The following XG variants were observed in gnomAD, a reference collection of about 807,000 sequenced individuals.
XG encodes glycoprotein Xg.
In XG, 24 loss-of-function variants were observed where a neutral mutation model predicts 25.7. That is an observed-to-expected ratio of 0.93 (90% CI 0.68 to 1.31). The LOEUF is 1.31. Among genes scored for constraint, XG ranks in the 40% most tolerant of loss-of-function variants. XG has a pLI of 0.00. For missense variants in XG, 181 were observed against 187.6 expected (o/e 0.96, Z 0.21); for synonymous variants, 77 against 69.2 (o/e 1.11, Z -0.56).
chrX:2,808,771 A>G (rs1221661940), intron 9 of XG, among the ~76,000 whole-genome samples: 2 of 111,151 alleles, frequency 1.8e-5, no homozygotes, highest in Non-Finnish European at 3.8e-5. Flanking sequence ...TTGAGAGTAA[A>G]CGCACTCAAC....
intron 1 of XG, among the ~76,000 whole-genome samples, chrX:2,768,026 C>T (rs748138160): frequency 5.3e-5 from 8 of 152,292 alleles, no homozygotes; most frequent in Admixed American, 2.6e-4. Context: ...AAGGAGCCTC[C>T]GCTGCAACCT....
At chrX:2,808,050 C>T (rs184691617) in intron 8 of XG, 135 bp from the exon 9 acceptor site, 12 of 677,481 alleles carry the variant, frequency 1.8e-5, no homozygotes, top group African/African-American at 4.3e-5. Context: ...TCCCCCTCCC[C>T]CCACAAGAAT....
intron 1 of XG, among the ~76,000 whole-genome samples, chrX:2,760,754 AAAG>A (rs1484372247): frequency 6.8e-6 from 1 of 147,630 alleles, no homozygotes; most frequent in East Asian, 2.0e-4. Flanking sequence ...AAAAAAAAAA[AAAG>A]AGGTGATTCA....
intron 5 of XG, among the ~76,000 whole-genome samples, chrX:2,791,441 C>T (rs971208457): frequency 9.0e-6 from 1 of 110,729 alleles, no homozygotes; most frequent in African/African-American, 3.3e-5. Flanking sequence ...GTGCCTTTTC[C>T]CTTGGGTCTT....
chrX:2,785,785 T>G (rs1365934484), intron 4 of XG, among the ~76,000 whole-genome samples: 3 of 111,588 alleles, frequency 2.7e-5, no homozygotes, highest in Non-Finnish European at 5.7e-5. Context: ...GTGTGTATCT[T>G]GAGAACGAGG....
At chrX:2,773,959 GTT>G (rs2050913106) in intron 2 of XG, among the ~76,000 whole-genome samples, 1 of 152,116 alleles carries the variant, frequency 6.6e-6, no homozygotes, top group African/African-American at 2.4e-5. Flanking sequence ...CCGTTTGGAG[GTT>G]CAAGCTCTCC....
At position 2,794,433 on chromosome X, in the gene XG, C is replaced by A. The variant is rs769515927; in HGVS notation, c.254-102C>A. ...TGCAAAGAGCCAGTTGGCGTCGGAA[C>A]GCTCTTCTCCAAAACCTGTGCCAGT... On this transcript the variant is annotated intron_variant, in intron 5 of 10. Transcript: ENST00000644266. The A allele has an allele frequency of 2.0e-4, 186 of 916,515 alleles. 1 individual carries two copies. The highest frequency in any genetic ancestry group is 2.7e-4 in the Non-Finnish European group (182 of 673,745). 75.5% of individuals were successfully genotyped at this position (916,515 alleles called of 1,213,427 possible).
At chrX:2,772,859 G>A (rs1231801133) in intron 2 of XG, among the ~76,000 whole-genome samples, 1 of 152,128 alleles carries the variant, frequency 6.6e-6, no homozygotes, top group Admixed American at 6.6e-5. Flanking sequence ...CCCATGAATG[G>A]GCAGGCATGT....
intron 3 of XG, 40 bp from the exon 4 acceptor site, chrX:2,782,026 A>AC (rs2086733669): frequency 8.4e-7 from 1 of 1,187,624 alleles, no homozygotes; most frequent in Admixed American, 2.2e-5. Context: ...AGGGAAGGAC[A>AC]ATTTTCTTTT....
chrX:2,759,824 T>A (rs1317092234), intron 1 of XG, among the ~76,000 whole-genome samples: 1 of 152,146 alleles, frequency 6.6e-6, no homozygotes, highest in African/African-American at 2.4e-5. Context: ...ACGGCAAAGC[T>A]CCTGGGGATT....
In XG at chrX:2,803,037, A is replaced by G. The variant is rs758646954; in HGVS notation, c.374-3664A>G. ...TAGGTCAGATCTCTTTCACTGTCGT[A>G]ATTTTCTCACTGTTATAATTTTTGC... On this transcript the variant is annotated intron_variant, in intron 7 of 10. Transcript: ENST00000644266. 2.9e-3 allele frequency among the ~76,000 whole-genome samples: 329 copies of G among 111,977 alleles called. 2 individuals carry two copies. Among genetic ancestry groups the G allele is most frequent in the Non-Finnish European group, 4.8e-3 (254 of 53,200 alleles).
chrX:2,804,045 A>G (rs1283124241), intron 7 of XG, among the ~76,000 whole-genome samples: 1 of 110,733 alleles, frequency 9.0e-6, no homozygotes, highest in Non-Finnish European at 1.9e-5. Context: ...GTTTCACCAT[A>G]TTGTTCCGGC....
At chrX:2,774,428 G>GCCT (rs201723077) in intron 2 of XG, among the ~76,000 whole-genome samples, 1 of 151,732 alleles carries the variant, frequency 6.6e-6, no homozygotes, top group African/African-American at 2.4e-5. Flanking sequence ...CCAGCCCTGT[G>GCCT]GTGGCTCTAC....
intron 1 of XG, among the ~76,000 whole-genome samples, chrX:2,766,709 C>A (rs764232542): frequency 2.0e-5 from 3 of 150,990 alleles, no homozygotes; most frequent in South Asian, 2.1e-4. Context: ...GGACTACAGG[C>A]GCCCGCCACC....
intron 1 of XG, among the ~76,000 whole-genome samples, chrX:2,767,518 G>C (rs1416228792): frequency 1.3e-5 from 2 of 152,156 alleles, no homozygotes; most frequent in African/African-American, 4.8e-5. Context: ...ATCAGAAATA[G>C]ATCTCCTGTT....
rs187505879 is a variant in XG at position 2,793,493 on chromosome X, G to T, written c.254-1042G>T. The stretch of plus-strand genomic sequence containing the variant: ...GTCAGAGCAGCAAAGGACATCTTAG[G>T]AAATGAGGCTTGCAAAGCAGCCTTG... On this transcript the variant is annotated intron_variant, in intron 5 of 10. Coordinates refer to ENST00000644266, the MANE Select transcript of XG (RefSeq NM_001141919.2). 7.1e-4 allele frequency among the ~76,000 whole-genome samples: 79 copies of T among 112,055 alleles called. 6 individuals are homozygous for T. In the East Asian group the frequency reaches 7.9e-3, roughly 11 times the overall value.
intron 1 of XG, among the ~76,000 whole-genome samples, chrX:2,760,293 G>A (rs1037365298): frequency 1.3e-5 from 2 of 152,152 alleles, no homozygotes; most frequent in Admixed American, 6.5e-5. Flanking sequence ...CACTGAACCA[G>A]GCTGTCCAAT....
chrX:2,772,818 T>G (rs2124456693), intron 2 of XG, among the ~76,000 whole-genome samples: 1 of 152,344 alleles, frequency 6.6e-6, no homozygotes, highest in East Asian at 1.9e-4. Flanking sequence ...CAAACACATC[T>G]TTGAATGCAT....
intron 3 of XG, 91 bp from the exon 4 acceptor site, chrX:2,781,975 G>A: frequency 3.2e-6 from 3 of 928,578 alleles, no homozygotes; most frequent in South Asian, 4.1e-5. Context: ...CTGCAAGGTC[G>A]ATAGTCACGC....
Sources: allele counts gnomAD v4.1 joint callset (sites outside exome capture counted in the v4.1 genomes callset), GRCh38; gene constraint gnomAD v4.1.1; transcripts MANE v1.5; gene names NCBI Gene and HGNC (gene_info 2026-07-23, HGNC 2026-07-21).